The following MYO1E variants were observed in gnomAD, a reference collection of about 807,000 sequenced individuals.
MYO1E encodes the protein unconventional myosin-Ie.
In MYO1E, 68 loss-of-function variants were observed where a neutral mutation model predicts 151.1. That is an observed-to-expected ratio of 0.45 (90% CI 0.37 to 0.55). The LOEUF (loss-of-function observed/expected upper bound fraction) is 0.55, where lower values mean the gene tolerates loss of function less well. Among genes scored for constraint, MYO1E ranks in the 20% least tolerant of loss-of-function variants. The pLI, the probability that MYO1E is intolerant of heterozygous loss-of-function variation, is 0.00. For synonymous variants in MYO1E, 601 were observed against 501.7 expected (o/e 1.20, Z -2.64); for missense variants, 1,363 against 1,389.3 (o/e 0.98, Z 0.30).
At chr15:59,188,287 C>A in intron 17 of MYO1E, 71 bp from the exon 18 acceptor site, 1 of 1,190,924 alleles carries the variant, frequency 8.4e-7, no homozygotes, top group Non-Finnish European at 1.3e-6. Flanking sequence ...ACCAGCCAAC[C>A]CCCAAGCCCC....
intron 21 of MYO1E, among the ~76,000 whole-genome samples, chr15:59,173,018 T>C (rs548236565): frequency 5.3e-5 from 8 of 152,180 alleles, no homozygotes; most frequent in Admixed American, 1.3e-4. Context: ...TCTTAACGGG[T>C]CCATGAGCTT....
intron 1 of MYO1E, among the ~76,000 whole-genome samples, chr15:59,334,371 C>T (rs1297517246): frequency 6.6e-6 from 1 of 152,012 alleles, no homozygotes; most frequent in Non-Finnish European, 1.5e-5. Flanking sequence ...GTGATGGATA[C>T]CCCATTTATC....
intron 3 of MYO1E, among the ~76,000 whole-genome samples, chr15:59,260,611 A>AT (rs1566994891): frequency 6.6e-6 from 1 of 152,162 alleles, no homozygotes; most frequent in African/African-American, 2.4e-5. Context: ...TACAGCTTCC[A>AT]TTTTTACTAT....
intron 1 of MYO1E, among the ~76,000 whole-genome samples, chr15:59,304,592 G>A (rs144878989): frequency 0.014 from 2,205 of 152,240 alleles, 29 homozygotes; most frequent in Non-Finnish European, 0.021. Context: ...ATTTCAAATG[G>A]ATGTTGCATC....
intron 1 of MYO1E, among the ~76,000 whole-genome samples, chr15:59,288,475 C>T (rs920993394): frequency 2.0e-5 from 3 of 152,192 alleles, no homozygotes; most frequent in East Asian, 1.9e-4. Context: ...TCATACCCAG[C>T]CCCGTTCAGT....
Position 59,189,660 on chromosome 15 carries a change from C to T in MYO1E, c.1806-1444G>A, listed in dbSNP as rs117803074. 5.7e-4 allele frequency among the ~76,000 whole-genome samples: 87 copies of T among 152,256 alleles called. No homozygotes were observed. In the East Asian group the frequency reaches 0.016, roughly 29 times the overall value. On this transcript the variant is annotated intron_variant, in intron 17 of 27. Transcript: ENST00000288235. ...CAAAATCTCGGCTCTCTGCAAACTC[C>T]GCCTTGTGGGTTCAAGAGATTCTCC...
intron 1 of MYO1E, among the ~76,000 whole-genome samples, chr15:59,305,783 C>T (rs1348356901): frequency 6.6e-6 from 1 of 152,188 alleles, no homozygotes; most frequent in African/African-American, 2.4e-5. Context: ...AATTCATTCC[C>T]AGCCTACCAT....
chr15:59,330,503 GT>G (rs2080691733), intron 1 of MYO1E, among the ~76,000 whole-genome samples: 2 of 152,210 alleles, frequency 1.3e-5, no homozygotes, highest in Admixed American at 1.3e-4. Context: ...CCCAAGGTCT[GT>G]TGTCAGGTTT....
intron 2 of MYO1E, chr15:59,264,942 G>C (rs1195225627): frequency 1.3e-5 from 2 of 152,198 alleles, no homozygotes; most frequent in African/African-American, 4.8e-5. Context: ...CTTAAGCCAA[G>C]CAGGTCGAGG....
chr15:59,166,798 T>G (rs556647537), intron 22 of MYO1E, among the ~76,000 whole-genome samples: 1 of 152,304 alleles, frequency 6.6e-6, no homozygotes, highest in East Asian at 1.9e-4. Context: ...GCCTCAGCAG[T>G]GACGTGTCCA....
chr15:59,182,260 T>A (rs1166722683), intron 18 of MYO1E, among the ~76,000 whole-genome samples: 1 of 152,216 alleles, frequency 6.6e-6, no homozygotes, highest in Non-Finnish European at 1.5e-5. Context: ...TCGCCCAGGC[T>A]GGAGTGCAGT....
At chr15:59,321,668 T>C (rs1263508494) in intron 1 of MYO1E, among the ~76,000 whole-genome samples, 1 of 152,074 alleles carries the variant, frequency 6.6e-6, no homozygotes, top group African/African-American at 2.4e-5. Context: ...CCAATAGACA[T>C]GGGGACTACT....
rs565114441 is a variant in MYO1E, at chr15:59,208,108, C to T, written c.1530+573G>A. 3.0e-5 allele frequency: 46 copies of T among 1,538,976 alleles called. No homozygotes were observed. The Middle Eastern group carries it at 7.0e-4, about 23-fold the overall frequency. On this transcript the variant is annotated intron_variant, in intron 14 of 27. Coordinates refer to ENST00000288235, the MANE Select transcript of MYO1E (RefSeq NM_004998.4). ...TTAAAGTTGCCTAAAACTACCATTC[C>T]GAAATTATTGAAGAGATCATAGATA...
At chr15:59,344,967 G>C (rs2080785941) in intron 1 of MYO1E, among the ~76,000 whole-genome samples, 1 of 152,302 alleles carries the variant, frequency 6.6e-6, no homozygotes, top group Admixed American at 6.5e-5. Context: ...GATAGGATAT[G>C]ACCAGAGCTT....
intron 4 of MYO1E, among the ~76,000 whole-genome samples, chr15:59,248,707 A>G (rs952560119): frequency 1.3e-5 from 2 of 152,132 alleles, no homozygotes; most frequent in African/African-American, 4.8e-5. Flanking sequence ...CAGGAAAGTA[A>G]ACAGCAGAGA....
intron 4 of MYO1E, among the ~76,000 whole-genome samples, chr15:59,255,475 A>G (rs773249126): frequency 1.8e-4 from 27 of 151,552 alleles, no homozygotes; most frequent in African/African-American, 6.3e-4. Flanking sequence ...GCTCACTGCA[A>G]CCTCCTCATC....
chr15:59,340,838 A>G (rs1038218140), intron 1 of MYO1E, among the ~76,000 whole-genome samples: 3 of 151,928 alleles, frequency 2.0e-5, no homozygotes, highest in Non-Finnish European at 2.9e-5. Context: ...CCTGGCCAAC[A>G]TGGTGAAACC....
intron 1 of MYO1E, among the ~76,000 whole-genome samples, chr15:59,292,610 C>T (rs1457448947): frequency 2.6e-5 from 4 of 152,228 alleles, no homozygotes; most frequent in Admixed American, 6.5e-5. Context: ...CAGGGCCAGC[C>T]TCTGAAAGGC....
chr15:59,362,976 C>CTT (rs34810328), intron 1 of MYO1E, among the ~76,000 whole-genome samples: 89,990 of 127,434 alleles, frequency 0.71, 34,394 homozygotes, highest in Non-Finnish European at 0.84. Flanking sequence ...GTATGACTTT[C>CTT]TTTTTTTTTT....
Sources: gnomAD v4.1 joint callset for allele counts (sites outside exome capture counted in the v4.1 genomes callset) on GRCh38, gnomAD v4.1.1 for gene constraint, MANE v1.5 for transcripts, NCBI Gene and HGNC (gene_info 2026-07-23, HGNC 2026-07-21) for gene names.